Variants in SPTSSB observed in about 807,000 individuals in gnomAD.
The protein encoded by SPTSSB is serine palmitoyltransferase small subunit B.
In SPTSSB, 6 loss-of-function variants were observed where a neutral mutation model predicts 7.7. That is an observed-to-expected ratio of 0.78 (90% CI 0.43 to 1.54). The LOEUF (loss-of-function observed/expected upper bound fraction) is 1.54. Among genes scored for constraint, SPTSSB ranks in the 40% most tolerant of loss-of-function variants. The pLI is 0.01. For missense variants in SPTSSB, 91 were observed against 93.0 expected (o/e 0.98, Z 0.09); for synonymous variants, 28 against 29.7 (o/e 0.94, Z 0.19).
intron 1 of SPTSSB, among the ~76,000 whole-genome samples, chr3:161,370,978 A>C (rs1358184354): frequency 2.6e-5 from 4 of 152,218 alleles, no homozygotes; most frequent in African/African-American, 7.2e-5. Flanking sequence ...TCCTTGTTGG[A>C]AATTCTTCAC....
intron 1 of SPTSSB, among the ~76,000 whole-genome samples, chr3:161,369,310 CTTT>C (rs1715376746): frequency 2.5e-5 from 1 of 39,450 alleles, no homozygotes; most frequent in Non-Finnish European, 4.0e-5. Flanking sequence ...TTCTTTCTTT[CTTT>C]CTCTTTCTTT....
rs940490855 is a variant in SPTSSB at position 161,350,578 on chromosome 3, G to A, written c.-32-4223C>T. On this transcript the variant is annotated intron_variant, in intron 2 of 2. Transcript: ENST00000620149. ...TGAAAATCTGAGAAGTGATAAAAGT[G>A]TCCTGCCAGTTGCAGAGAGAGATGC... is the stretch of plus-strand genomic sequence containing the variant. Among the ~76,000 whole-genome samples, 9 of 152,162 alleles carry A rather than the reference G, an allele frequency of 5.9e-5. No individual in the cohort carries two copies. The East Asian group carries it at 1.7e-3, about 29-fold the overall frequency.
intron 1 of SPTSSB, among the ~76,000 whole-genome samples, chr3:161,363,416 A>G (rs957848290): frequency 6.6e-6 from 1 of 151,956 alleles, no homozygotes; most frequent in Non-Finnish European, 1.5e-5. Flanking sequence ...AAGTCAGAAG[A>G]CTTTGCTGAC....
At chr3:161,369,737 A>C (rs1019937831) in intron 1 of SPTSSB, among the ~76,000 whole-genome samples, 1 of 151,974 alleles carries the variant, frequency 6.6e-6, no homozygotes, top group African/African-American at 2.4e-5. Flanking sequence ...TGCTTCTCTC[A>C]GGGTATACTG....
chr3:161,369,571 T>C (rs1036364432), intron 1 of SPTSSB, among the ~76,000 whole-genome samples: 6 of 151,924 alleles, frequency 3.9e-5, no homozygotes, highest in African/African-American at 1.5e-4. Flanking sequence ...TTTTGTCCAC[T>C]TTTAAATGAG....
At chr3:161,349,059 T>C (rs1714398109) in intron 2 of SPTSSB, among the ~76,000 whole-genome samples, 1 of 152,164 alleles carries the variant, frequency 6.6e-6, no homozygotes. Flanking sequence ...ATTTGATGAG[T>C]AATGTGGTTA....
intron 1 of SPTSSB, among the ~76,000 whole-genome samples, chr3:161,366,322 C>T (rs755645480): frequency 3.3e-5 from 5 of 152,158 alleles, no homozygotes; most frequent in South Asian, 2.1e-4. Flanking sequence ...GGTTGTAATT[C>T]GCGAGAGCAG....
chr3:161,363,322 T>C (rs1335181618), intron 1 of SPTSSB, among the ~76,000 whole-genome samples: 2 of 151,720 alleles, frequency 1.3e-5, no homozygotes, highest in Admixed American at 6.6e-5. Flanking sequence ...TAATCAGATT[T>C]TCTTGACTAT....
At chr3:161,369,835 T>TG in intron 1 of SPTSSB, among the ~76,000 whole-genome samples, 1 of 152,182 alleles carries the variant, frequency 6.6e-6, no homozygotes, top group Non-Finnish European at 1.5e-5. Flanking sequence ...CTGGAGAGGG[T>TG]GGGGAAATAT....
In SPTSSB at chr3:161,367,398, G is replaced by A. The variant is rs114366936; in HGVS notation, c.-126+4037C>T. Among the ~76,000 whole-genome samples, 658 of 152,232 alleles carry A rather than the reference G, an allele frequency of 4.3e-3. 3 individuals are homozygous for A. The highest frequency in any genetic ancestry group is 0.015 in the African/African-American group (630 of 41,532). On this transcript the variant is annotated intron_variant, in intron 1 of 2. Transcript: ENST00000620149. The stretch of plus-strand genomic sequence containing the variant: ...GAAAATCTTGAGGTTTCCTGAAGCC[G>A]GTAGACTTAAATCCCTAAAGCTAAG...
chr3:161,358,044 G>GTTTT (rs11353900), intron 2 of SPTSSB, among the ~76,000 whole-genome samples: 1 of 114,556 alleles, frequency 8.7e-6, no homozygotes, highest in African/African-American at 3.4e-5. Context: ...AGAAACTTTT[G>GTTTT]TTTTTTTTTT....
chr3:161,367,557 G>C (rs1050935242), intron 1 of SPTSSB, among the ~76,000 whole-genome samples: 1 of 152,190 alleles, frequency 6.6e-6, no homozygotes, highest in Non-Finnish European at 1.5e-5. Context: ...TGATTTCATG[G>C]TTCTTAGTAC....
At chr3:161,349,596 T>A (rs777842424) in intron 2 of SPTSSB, among the ~76,000 whole-genome samples, 1 of 152,210 alleles carries the variant, frequency 6.6e-6, no homozygotes, top group Non-Finnish European at 1.5e-5. Flanking sequence ...TATTCTTTTT[T>A]AAAAAGAAAA....
rs143468851 is a variant in SPTSSB at position 161,346,125 on chromosome 3, T to C, written c.199A>G (p.Ile67Val). The C allele has an allele frequency of 1.5e-4, 246 of 1,603,420 alleles. No individual in the cohort carries two copies. In the African/African-American group the frequency reaches 2.4e-3, roughly 16 times the overall value. Residue 67 changes from isoleucine (I) to valine (V), a missense_variant, in exon 3 of 3, where the codon ATA (isoleucine) becomes GTA (valine). Ile to Val is a conservative substitution (Grantham distance 29). Transcript: ENST00000620149. ...GAAATTGTACTGTGATATCCACATA[T>C]TTTTGAGAAAAATTCCCAAGCCAGG... ...IRLAWEFFSK[I>V]CGYHSTISN
At chr3:161,361,611 T>C (rs1715019306) in intron 1 of SPTSSB, among the ~76,000 whole-genome samples, 1 of 152,200 alleles carries the variant, frequency 6.6e-6, no homozygotes, top group South Asian at 2.1e-4. Flanking sequence ...TTCTGCATTA[T>C]TGTGGAGATT....
intron 1 of SPTSSB, among the ~76,000 whole-genome samples, chr3:161,363,656 T>C (rs893409591): frequency 6.6e-6 from 1 of 152,032 alleles, no homozygotes; most frequent in African/African-American, 2.4e-5. Context: ...ACTTTGGAGT[T>C]TTTTCTATGC....
At chr3:161,361,561 C>T (rs1250012759) in intron 1 of SPTSSB, among the ~76,000 whole-genome samples, 1 of 152,104 alleles carries the variant, frequency 6.6e-6, no homozygotes, top group Non-Finnish European at 1.5e-5. Context: ...CCTCTTTGAA[C>T]ATTAGTTATG....
At chr3:161,362,607 G>A (rs78798041) in intron 1 of SPTSSB, among the ~76,000 whole-genome samples, 4,589 of 152,196 alleles carry the variant, frequency 0.03, 99 homozygotes, top group South Asian at 0.12. Flanking sequence ...AACTGTGAGA[G>A]TGGGAATGAT....
At chr3:161,369,304 T>TTCTCTC (rs35811649) in intron 1 of SPTSSB, among the ~76,000 whole-genome samples, 3 of 68,840 alleles carry the variant, frequency 4.4e-5, no homozygotes, top group South Asian at 6.6e-4. Context: ...CTTTCTTTCT[T>TTCTCTC]TCTTTCTTTC....
Sources: gnomAD v4.1 joint callset for allele counts (sites outside exome capture counted in the v4.1 genomes callset) on GRCh38, gnomAD v4.1.1 for gene constraint, MANE v1.5 for transcripts, NCBI Gene and HGNC (gene_info 2026-07-23, HGNC 2026-07-21) for gene names.